GPATCH8: variants seen among roughly 807,000 people sequenced by gnomAD.
GPATCH8 encodes G-patch domain containing 8.
GPATCH8 carries 18 observed loss-of-function variants against 118.3 expected under a neutral mutation model. The ratio of observed to expected loss-of-function variants is 0.15; its 90% confidence interval spans 0.11 to 0.23. The LOEUF is 0.23. Ranked by LOEUF, GPATCH8 falls within the 10% of genes least tolerant of loss-of-function variation. The pLI is 1.00. For synonymous variants in GPATCH8, 659 were observed against 684.7 expected (o/e 0.96, Z 0.59); for missense variants, 1,631 against 1,873.8 (o/e 0.87, Z 2.39).
rs1446710966 is a variant in GPATCH8, at chr17:44,444,727, C to A, written c.194-8182G>T. Among the ~76,000 whole-genome samples, 6 of 151,668 alleles carry A rather than the reference C, an allele frequency of 4.0e-5. 1 individual carries two copies. The highest frequency in any genetic ancestry group is 7.4e-5 in the Non-Finnish European group (5 of 67,890). Reference sequence around the variant, plus strand: ...GGCAGAAGTTGCAGTGAGCCGAGATCACACCATTGCACTCCAGTCTGGGGC... The same window carrying A: ...GGCAGAAGTTGCAGTGAGCCGAGATAACACCATTGCACTCCAGTCTGGGGC... On this transcript the variant is annotated intron_variant, in intron 3 of 7. Coordinates refer to ENST00000591680, the MANE Select transcript of GPATCH8 (RefSeq NM_001002909.4).
At chr17:44,494,090 T>A (rs1285644033) in intron 1 of GPATCH8, among the ~76,000 whole-genome samples, 1 of 152,166 alleles carries the variant, frequency 6.6e-6, no homozygotes, top group African/African-American at 2.4e-5. Flanking sequence ...TCTATTAATA[T>A]AAACCCTATT....
chr17:44,464,942 T>C lies in GPATCH8; in HGVS notation c.121-398A>G, dbSNP rs572743236. On this transcript the variant is annotated intron_variant, in intron 2 of 7. Coordinates refer to ENST00000591680, the MANE Select transcript of GPATCH8 (RefSeq NM_001002909.4). Reference sequence around the variant, plus strand: ...ACAGCACCACTTTAAGATTTTTTTTTTTTTAAAGAAAATCTACACTGTGTT... The same window carrying C: ...ACAGCACCACTTTAAGATTTTTTTTCTTTTAAAGAAAATCTACACTGTGTT... 1.1e-4 allele frequency: 19 copies of C among 180,554 alleles called. No homozygotes were observed. The South Asian group carries it at 2.1e-3, about 20-fold the overall frequency. 11.2% of individuals were successfully genotyped at this position (180,554 alleles called of 1,614,324 possible). A position where few individuals can be genotyped will look rare whatever the true frequency, so the allele number is the denominator to read the frequency against.
intron 3 of GPATCH8, among the ~76,000 whole-genome samples, chr17:44,440,507 A>G (rs2050652384): frequency 6.6e-6 from 1 of 152,198 alleles, no homozygotes; most frequent in African/African-American, 2.4e-5. Flanking sequence ...TTTCAGGCTC[A>G]AGTGATCCTC....
intron 7 of GPATCH8, among the ~76,000 whole-genome samples, chr17:44,404,455 T>C (rs2049144562): frequency 6.6e-6 from 1 of 152,184 alleles, no homozygotes; most frequent in South Asian, 2.1e-4. Flanking sequence ...TGCTTTTTAA[T>C]ATAAATGTTA....
chr17:44,429,803 G>A (rs1262175152), intron 5 of GPATCH8, among the ~76,000 whole-genome samples: 6 of 151,766 alleles, frequency 4.0e-5, no homozygotes, highest in Non-Finnish European at 5.9e-5. Flanking sequence ...GGTGAAGGCT[G>A]CAGTGAGCTG....
chr17:44,502,309 T>C (rs1459531242), intron 1 of GPATCH8, among the ~76,000 whole-genome samples: 1 of 152,002 alleles, frequency 6.6e-6, no homozygotes, highest in African/African-American at 2.4e-5. Flanking sequence ...AGTTCTGAGA[T>C]TCATCCCGAC....
chr17:44,397,937 T>A lies in GPATCH8; in HGVS notation c.4140A>T (p.Leu1380=). The A allele has an allele frequency of 1.2e-6, 2 of 1,613,634 alleles. No individual in the cohort carries two copies. Among genetic ancestry groups the A allele is most frequent in the Non-Finnish European group, 1.7e-6 (2 of 1,179,658 alleles). ...CAGCAGCTGCGGCAGCATGATGTTG[T>A]AGGATGGCATGCTGAACAGTTGTGA... ...TSITTVQHAI[L]QHHAAAAAAA... The change falls in exon 8 of 8, where the codon CTA becomes CTT. Residue 1380 remains leucine, a synonymous_variant. Transcript: ENST00000591680.
intron 1 of GPATCH8, among the ~76,000 whole-genome samples, chr17:44,481,616 T>C (rs538194496): frequency 1.3e-5 from 2 of 152,222 alleles, no homozygotes; most frequent in African/African-American, 2.4e-5. Context: ...TACTTTTTTT[T>C]CACCGTCTTA....
chr17:44,423,292 T>C (rs557607620), intron 6 of GPATCH8, among the ~76,000 whole-genome samples: 41 of 152,302 alleles, frequency 2.7e-4, no homozygotes, highest in Non-Finnish European at 5.0e-4. Flanking sequence ...AAAGCTGTCT[T>C]GAATACAAGT....
intron 6 of GPATCH8, among the ~76,000 whole-genome samples, chr17:44,420,977 G>A (rs1021459125): frequency 1.3e-5 from 2 of 151,578 alleles, no homozygotes; most frequent in East Asian, 2.0e-4. Context: ...CTCCTGCCTC[G>A]AGCAGCTGGG....
intron 3 of GPATCH8, among the ~76,000 whole-genome samples, chr17:44,452,432 G>A (rs1270930248): frequency 6.6e-6 from 1 of 151,982 alleles, no homozygotes; most frequent in African/African-American, 2.4e-5. Flanking sequence ...AATAAATGAT[G>A]GCTATTATAA....
Position 44,401,014 on chromosome 17 carries a change from G to T in GPATCH8, c.1063C>A (p.Leu355Ile). Reference protein sequence around the residue: ...KVGDSDGSSNLDGKKEDEDPQ... With the variant: ...KVGDSDGSSNIDGKKEDEDPQ... ...TCTTCATCCTCTTTTTTACCATCAAGATTACTGCTCCCATCAGAGTCTCCT... is the reference window on the plus strand; with the variant it reads ...TCTTCATCCTCTTTTTTACCATCAATATTACTGCTCCCATCAGAGTCTCCT... The change falls in exon 8 of 8, where the codon CTT becomes ATT. Residue 355 changes from leucine (L) to isoleucine (I), a missense_variant. By Grantham distance (5) the Leu-to-Ile change is conservative. Coordinates refer to ENST00000591680, the MANE Select transcript of GPATCH8 (RefSeq NM_001002909.4). The T allele has an allele frequency of 6.2e-7, 1 of 1,613,936 alleles. No homozygotes were observed. Among genetic ancestry groups the T allele is most frequent in the Admixed American group, 1.7e-5 (1 of 60,016 alleles).
intron 1 of GPATCH8, among the ~76,000 whole-genome samples, chr17:44,495,998 G>T (rs1969641082): frequency 6.6e-6 from 1 of 152,148 alleles, no homozygotes; most frequent in African/African-American, 2.4e-5. Context: ...CTCCTGAGTA[G>T]CTGGGACTAC....
intron 6 of GPATCH8, 70 bp from the exon 7 acceptor site, chr17:44,406,121 C>T: frequency 3.6e-6 from 4 of 1,110,660 alleles, no homozygotes; most frequent in Non-Finnish European, 5.5e-6. Context: ...AAAGCAAAGC[C>T]TTTAGGACAT....
At chr17:44,496,836 C>G (rs1327637804) in intron 1 of GPATCH8, among the ~76,000 whole-genome samples, 1 of 152,172 alleles carries the variant, frequency 6.6e-6, no homozygotes, top group Non-Finnish European at 1.5e-5. Flanking sequence ...CTTCTTTCAG[C>G]CTGGGCATAT....
At chr17:44,436,126 A>G (rs1002074925) in intron 4 of GPATCH8, among the ~76,000 whole-genome samples, 7 of 151,940 alleles carry the variant, frequency 4.6e-5, no homozygotes, top group African/African-American at 1.5e-4. Flanking sequence ...GCCGTACCCA[A>G]TTCTACAAAG....
At chr17:44,482,297 G>A (rs1258845008) in intron 1 of GPATCH8, among the ~76,000 whole-genome samples, 1 of 151,908 alleles carries the variant, frequency 6.6e-6, no homozygotes, top group African/African-American at 2.4e-5. Flanking sequence ...GACGAGGCTG[G>A]GCGCAGTGGG....
intron 3 of GPATCH8, among the ~76,000 whole-genome samples, chr17:44,440,965 C>T (rs1285785136): frequency 5.3e-5 from 8 of 152,174 alleles, no homozygotes; most frequent in Admixed American, 4.6e-4. Flanking sequence ...ATTGTCCTGC[C>T]TCAGCCTCCT....
chr17:44,496,808 C>T (rs1271339678), intron 1 of GPATCH8, among the ~76,000 whole-genome samples: 1 of 152,142 alleles, frequency 6.6e-6, no homozygotes, highest in Admixed American at 6.5e-5. Flanking sequence ...GGTATAAGAA[C>T]GACCATACAT....
Sources: gnomAD v4.1 joint callset for allele counts (sites outside exome capture counted in the v4.1 genomes callset) on GRCh38, gnomAD v4.1.1 for gene constraint, MANE v1.5 for transcripts, NCBI Gene and HGNC (gene_info 2026-07-23, HGNC 2026-07-21) for gene names.